KCNJ16: variants seen among roughly 807,000 people sequenced by gnomAD.
KCNJ16 encodes the protein inward rectifier potassium channel 16.
KCNJ16 carries 15 observed loss-of-function variants against 18.5 expected under a neutral mutation model. That is an observed-to-expected ratio of 0.81 (90% CI 0.54 to 1.25). The LOEUF (loss-of-function observed/expected upper bound fraction) is 1.25. Among genes scored for constraint, KCNJ16 ranks in the 50% most tolerant of loss-of-function variants. KCNJ16 has a pLI of 0.00. For synonymous variants in KCNJ16, 174 were observed against 186.5 expected, an observed-to-expected ratio of 0.93 and a Z score of 0.55; for missense variants, 523 against 525.7, an observed-to-expected ratio of 0.99 and a Z score of 0.05.
Position 70,081,806 on chromosome 17 carries a change from C to G in KCNJ16, c.-300+6416C>G, listed in dbSNP as rs915605194. Among the ~76,000 whole-genome samples, 9 of 149,468 alleles carry G rather than the reference C, an allele frequency of 6.0e-5. No individual in the cohort carries two copies. The South Asian group carries it at 6.4e-4, about 11-fold the overall frequency. ...GTTACTTGTTAAGAGTCACCATGCT[C>G]TGTGTGTGTGTGTGTGTGTGTGTGT... On this transcript the variant is annotated intron_variant, in intron 1 of 3. Coordinates refer to ENST00000392671, the MANE Select transcript of KCNJ16 (RefSeq NM_170741.4).
chr17:70,081,806 C>CTG (rs5821755), intron 1 of KCNJ16, among the ~76,000 whole-genome samples: 7,969 of 149,526 alleles, frequency 0.053, 431 homozygotes, highest in African/African-American at 0.14. Context: ...TCACCATGCT[C>CTG]TGTGTGTGTG....
intron 1 of KCNJ16, among the ~76,000 whole-genome samples, chr17:70,082,588 G>T (rs900412649): frequency 6.6e-6 from 1 of 152,178 alleles, no homozygotes; most frequent in Non-Finnish European, 1.5e-5. Flanking sequence ...GTATTTCCAA[G>T]AAATGGAACT....
intron 2 of KCNJ16, among the ~76,000 whole-genome samples, chr17:70,116,983 C>A (rs1015812969): frequency 6.6e-5 from 10 of 152,082 alleles, no homozygotes; most frequent in Non-Finnish European, 8.8e-5. Flanking sequence ...AAATCATTCA[C>A]CAAAAGTCTC....
chr17:70,129,812 T>C (rs2073993285), intron 2 of KCNJ16, among the ~76,000 whole-genome samples: 2 of 152,202 alleles, frequency 1.3e-5, no homozygotes, highest in Admixed American at 6.5e-5. Flanking sequence ...CTTTGGAAGG[T>C]GTTTTGAAAG....
intron 2 of KCNJ16, among the ~76,000 whole-genome samples, chr17:70,130,364 C>T (rs985378626): frequency 2.8e-4 from 43 of 152,092 alleles, no homozygotes; most frequent in African/African-American, 1.0e-3. Context: ...CAATTGGATC[C>T]CCCCAAATTG....
chr17:70,128,368 C>T (rs988357142), intron 2 of KCNJ16, among the ~76,000 whole-genome samples: 2 of 152,164 alleles, frequency 1.3e-5, no homozygotes, highest in African/African-American at 4.8e-5. Context: ...GAGTAAGATA[C>T]GAGAAAAGTG....
intron 1 of KCNJ16, among the ~76,000 whole-genome samples, chr17:70,094,956 C>G (rs557352297): frequency 6.6e-6 from 1 of 152,262 alleles, no homozygotes; most frequent in South Asian, 2.1e-4. Context: ...TAAGTTCAGA[C>G]AGATTCAATT....
intron 2 of KCNJ16, chr17:70,128,790 T>G (rs2144248935): frequency 6.6e-6 from 1 of 152,274 alleles, no homozygotes; most frequent in East Asian, 1.9e-4. Context: ...AAGAGCGCGG[T>G]AACAAACACC....
intron 3 of KCNJ16, 129 bp from the exon 4 acceptor site, chr17:70,131,866 T>G: frequency 1.3e-6 from 1 of 763,936 alleles, no homozygotes; most frequent in Non-Finnish European, 2.1e-6. Context: ...TAATCAATAC[T>G]GTGCACCTAA....
chr17:70,083,864 G>A (rs1567777376), intron 1 of KCNJ16, among the ~76,000 whole-genome samples: 1 of 152,268 alleles, frequency 6.6e-6, no homozygotes, highest in East Asian at 1.9e-4. Context: ...GGTGTGAAGT[G>A]GAGGAAGATA....
At chr17:70,082,197 T>C (rs995853727) in intron 1 of KCNJ16, among the ~76,000 whole-genome samples, 3 of 152,160 alleles carry the variant, frequency 2.0e-5, no homozygotes, top group African/African-American at 4.8e-5. Context: ...AGTAATACAG[T>C]ATTCAGGTTT....
intron 2 of KCNJ16, chr17:70,128,034 T>C (rs1442642301): frequency 6.6e-6 from 1 of 152,194 alleles, no homozygotes; most frequent in East Asian, 1.9e-4. Flanking sequence ...CGGCATGAGC[T>C]TACCTTTGAA....
At chr17:70,091,309 A>G (rs557304778) in intron 1 of KCNJ16, among the ~76,000 whole-genome samples, 54 of 152,290 alleles carry the variant, frequency 3.5e-4, no homozygotes, top group Non-Finnish European at 6.6e-4. Flanking sequence ...GTGATAAGAT[A>G]ATTTCCTGTT....
chr17:70,125,062 TCAAGAC>T (rs1351717601), intron 2 of KCNJ16, among the ~76,000 whole-genome samples: 4 of 151,746 alleles, frequency 2.6e-5, no homozygotes, highest in African/African-American at 4.8e-5. Flanking sequence ...GGTCAGGAGT[TCAAGAC>T]CAGCCTGGGC....
intron 2 of KCNJ16, among the ~76,000 whole-genome samples, chr17:70,129,070 T>G (rs376653960): frequency 1.8e-4 from 27 of 152,320 alleles, no homozygotes; most frequent in African/African-American, 6.3e-4. Context: ...TCTTGAGCCT[T>G]GGGACTGGGC....
intron 2 of KCNJ16, among the ~76,000 whole-genome samples, chr17:70,103,284 A>G (rs1280864905): frequency 6.6e-5 from 1 of 15,212 alleles, no homozygotes; most frequent in African/African-American, 2.5e-4. Flanking sequence ...TAATATGCAT[A>G]TATGTGTGTG....
chr17:70,082,610 C>CAA (rs1192547051), intron 1 of KCNJ16, among the ~76,000 whole-genome samples: 3 of 152,120 alleles, frequency 2.0e-5, no homozygotes, highest in Non-Finnish European at 2.9e-5. Context: ...CAACTAACAC[C>CAA]AAAAACATGA....
intron 2 of KCNJ16, among the ~76,000 whole-genome samples, chr17:70,126,580 C>T (rs972012800): frequency 2.0e-5 from 3 of 152,142 alleles, no homozygotes; most frequent in African/African-American, 7.2e-5. Flanking sequence ...CCATGAGGCT[C>T]AGAGAAAAGT....
chr17:70,088,547 G>A (rs1226276416), intron 1 of KCNJ16, among the ~76,000 whole-genome samples: 1 of 152,144 alleles, frequency 6.6e-6, no homozygotes, highest in Admixed American at 6.5e-5. Flanking sequence ...ACTCATAACA[G>A]GCACTTTAGA....
Sources: gnomAD v4.1 joint callset for allele counts (sites outside exome capture counted in the v4.1 genomes callset) on GRCh38, gnomAD v4.1.1 for gene constraint, MANE v1.5 for transcripts, NCBI Gene and HGNC (gene_info 2026-07-23, HGNC 2026-07-21) for gene names.